Variants in CDK13 observed in about 807,000 individuals in gnomAD.
CDK13 encodes cyclin dependent kinase 13, also known as cyclin-dependent kinase 13.
CDK13 carries 40 observed loss-of-function variants against 137.6 expected under a neutral mutation model. That is an observed-to-expected ratio of 0.29 (90% CI 0.23 to 0.38). CDK13 has a LOEUF of 0.38. Among genes scored for constraint, CDK13 ranks in the 10% least tolerant of loss-of-function variants. CDK13 has a pLI of 1.00. For missense variants in CDK13, 1,704 were observed against 1,951.8 expected (o/e 0.87, Z 2.39); for synonymous variants, 869 against 760.1 (o/e 1.14, Z -2.36).
At chr7:40,028,522 T>C (rs1020010451) in intron 5 of CDK13, among the ~76,000 whole-genome samples, 2 of 151,998 alleles carry the variant, frequency 1.3e-5, no homozygotes, top group African/African-American at 4.8e-5. Context: ...CCAGCCTGAG[T>C]TGACTTTTTA....
chr7:40,006,031 T>C lies in CDK13; in HGVS notation c.2353+4000T>C, dbSNP rs532225547. ...GTCATCACACTTGGCCTGAAGAAAC[T>C]TTTTCTAAACTAATTGGGTGAATGG... is the stretch of plus-strand genomic sequence containing the variant. On this transcript the variant is annotated intron_variant, in intron 5 of 13. Transcript: ENST00000181839. Among the ~76,000 whole-genome samples the C allele has an allele frequency of 2.0e-5, 3 of 152,314 alleles. No individual in the cohort carries two copies. The South Asian group carries it at 6.2e-4, about 32-fold the overall frequency.
chr7:40,077,941 A>G (rs541716450), intron 9 of CDK13, 64 bp from the exon 10 acceptor site: 2 of 658,072 alleles, frequency 3.0e-6, no homozygotes, highest in Non-Finnish European at 2.5e-6. Context: ...GATGTTTTGT[A>G]TAACAGTTGT....
At chr7:40,045,317 T>C (rs1216453360) in intron 5 of CDK13, among the ~76,000 whole-genome samples, 1 of 152,162 alleles carries the variant, frequency 6.6e-6, no homozygotes, top group Non-Finnish European at 1.5e-5. Flanking sequence ...TTTCAAATTA[T>C]ATTGTTTTTC....
At chr7:40,037,889 C>T (rs1481190995) in intron 5 of CDK13, among the ~76,000 whole-genome samples, 1 of 152,162 alleles carries the variant, frequency 6.6e-6, no homozygotes, top group Non-Finnish European at 1.5e-5. Context: ...ATATACCCCC[C>T]AGCTGTATAT....
chr7:39,979,687 C>T (rs1173475308), intron 1 of CDK13, among the ~76,000 whole-genome samples: 3 of 152,160 alleles, frequency 2.0e-5, no homozygotes, highest in Admixed American at 1.3e-4. Context: ...CAATCTCTGA[C>T]TGTTACACCT....
At chr7:39,992,203 T>C (rs867524925) in intron 2 of CDK13, among the ~76,000 whole-genome samples, 6 of 148,246 alleles carry the variant, frequency 4.0e-5, no homozygotes, top group African/African-American at 1.5e-4. Context: ...TGTGTGTGTA[T>C]ACACTTCTCC....
chr7:40,077,879 C>G, intron 9 of CDK13, 126 bp from the exon 10 acceptor site: 1 of 522,048 alleles, frequency 1.9e-6, no homozygotes, highest in Non-Finnish European at 3.4e-6. Flanking sequence ...AATAAAATAA[C>G]AAAAGTTTTT....
At chr7:39,997,821 A>C (rs1161504174) in intron 3 of CDK13, 157 bp downstream of exon 3, 3 of 569,812 alleles carry the variant, frequency 5.3e-6, no homozygotes, top group Non-Finnish European at 9.0e-6. Context: ...AAAAATCATA[A>C]TTGCTTGCAT....
At chr7:40,005,636 C>T (rs1170635089) in intron 5 of CDK13, among the ~76,000 whole-genome samples, 12 of 152,064 alleles carry the variant, frequency 7.9e-5, no homozygotes, top group Non-Finnish European at 1.8e-4. Context: ...AGGAATTATT[C>T]TTAAGAAACA....
rs372931532 is a variant in CDK13 at position 40,001,217 on chromosome 7, C to CT, written c.2183-628dup. ...GTGTGATATACCCAGTCTTCAGCAT[C>CT]TTTTTTTTTTTTTTTTGAGACGGAG... On this transcript the variant is annotated intron_variant, in intron 4 of 13. Transcript: ENST00000181839. 4.2e-3 allele frequency among the ~76,000 whole-genome samples: 597 copies of CT among 141,272 alleles called. 1 individual carries two copies. Among genetic ancestry groups the CT allele is most frequent in the Middle Eastern group, 0.011 (3 of 274 alleles). 92.7% of individuals were successfully genotyped at this position (141,272 alleles called of 152,430 possible). A position where few individuals can be genotyped will look rare whatever the true frequency, so the allele number is the denominator to read the frequency against.
intron 7 of CDK13, among the ~76,000 whole-genome samples, chr7:40,059,853 A>C (rs17171650): frequency 0.039 from 5,969 of 152,284 alleles, 346 homozygotes; most frequent in African/African-American, 0.13. Context: ...TTGAAATTAC[A>C]TCAGTGTTTT....
chr7:39,950,658 A>T lies in CDK13; in HGVS notation c.17A>T (p.Asp6Val). 7.4e-7 allele frequency: 1 copy of T among 1,345,210 alleles called. No individual in the cohort carries two copies. The allele number at this position is 1,345,210 out of a possible 1,614,324, so 83.3% of individuals were successfully genotyped here. Reference sequence around the variant, plus strand: ...CTCTAGGCGATGCCGAGCAGCTCGGACACGGCGCTGGGGGGAGGCGGGGGC... The same window carrying T: ...CTCTAGGCGATGCCGAGCAGCTCGGTCACGGCGCTGGGGGGAGGCGGGGGC... MPSSSDTALGGGGGLS... is the reference protein window; with the variant it reads MPSSSVTALGGGGGLS... The change falls in exon 1 of 14, where the codon GAC becomes GTC. Residue 6 changes from aspartate to valine, a missense_variant. Transcript: ENST00000181839.
intron 3 of CDK13, chr7:39,998,203 CTTT>C (rs570146829): frequency 6.8e-5 from 9 of 131,630 alleles, no homozygotes; most frequent in Non-Finnish European, 1.5e-4. Flanking sequence ...ACACTGGTGC[CTTT>C]TTTTTTTTTT....
intron 13 of CDK13, among the ~76,000 whole-genome samples, chr7:40,093,906 C>CAAA (rs1181608576): frequency 9.7e-6 from 1 of 102,882 alleles, no homozygotes. Flanking sequence ...ACCGTGTCAC[C>CAAA]AAAAAAAAAA....
At chr7:39,953,668 T>C (rs1291893842) in intron 1 of CDK13, among the ~76,000 whole-genome samples, 1 of 152,232 alleles carries the variant, frequency 6.6e-6, no homozygotes, top group African/African-American at 2.4e-5. Flanking sequence ...CTTGCCCTCA[T>C]AGAGCTTGCA....
chr7:40,041,666 A>G (rs10228050), intron 5 of CDK13, among the ~76,000 whole-genome samples: 8,802 of 152,238 alleles, frequency 0.058, 818 homozygotes, highest in African/African-American at 0.2. Flanking sequence ...TAATGCCACC[A>G]ATATAATGTT....
chr7:40,096,937 C>T lies in CDK13; in HGVS notation c.*1957C>T, dbSNP rs1787059896. On this transcript the variant is annotated 3_prime_UTR_variant, in exon 14 of 14. Transcript: ENST00000181839. ...TATTTTGAAATTAGCAAAATAGCAACAGTATTCAAGTATCTGAAATTTTAA... is the reference window on the plus strand; with the variant it reads ...TATTTTGAAATTAGCAAAATAGCAATAGTATTCAAGTATCTGAAATTTTAA... The T allele has an allele frequency of 6.6e-6, 1 of 152,012 alleles. No homozygotes were observed. The highest frequency in any genetic ancestry group is 6.6e-5 in the Admixed American group (1 of 15,250). The allele number at this position is 152,012 out of a possible 1,614,324, so 9.4% of individuals were successfully genotyped here.
At chr7:40,079,858 G>A (rs1156797736) in intron 11 of CDK13, among the ~76,000 whole-genome samples, 1 of 152,176 alleles carries the variant, frequency 6.6e-6, no homozygotes, top group African/African-American at 2.4e-5. Context: ...GGCTTCTCTT[G>A]AACCTGTAAC....
At chr7:40,068,774 G>C (rs1365531946) in intron 9 of CDK13, among the ~76,000 whole-genome samples, 1 of 147,764 alleles carries the variant, frequency 6.8e-6, no homozygotes, top group Non-Finnish European at 1.5e-5. Context: ...AAAGCAGCAT[G>C]AATAGTTACA....
Sources: gnomAD v4.1 joint callset for allele counts (sites outside exome capture counted in the v4.1 genomes callset) on GRCh38, gnomAD v4.1.1 for gene constraint, MANE v1.5 for transcripts, NCBI Gene and HGNC (gene_info 2026-07-23, HGNC 2026-07-21) for gene names.